S100PBP: variants seen among roughly 807,000 people sequenced by gnomAD.
The protein encoded by S100PBP is S100P binding protein, also known as S100P-binding protein.
A neutral mutation model predicts 39.9 loss-of-function variants in S100PBP; 15 were observed. That is an observed-to-expected ratio of 0.38 (90% CI 0.25 to 0.58). The LOEUF (loss-of-function observed/expected upper bound fraction) is 0.58. Ranked by LOEUF, S100PBP falls within the 20% of genes least tolerant of loss-of-function variation. The pLI is 0.70. For missense variants in S100PBP, 504 were observed against 487.3 expected (o/e 1.03, Z -0.32); for synonymous variants, 178 against 180.3 (o/e 0.99, Z 0.10).
chr1:32,830,999 G>C (rs2148654274), intron 5 of S100PBP, among the ~76,000 whole-genome samples: 1 of 151,390 alleles, frequency 6.6e-6, no homozygotes, highest in Middle Eastern at 3.4e-3. Context: ...ACAATCACTT[G>C]AACCCGGGAG....
chr1:32,826,471 T>G lies in S100PBP; in HGVS notation c.372T>G (p.Gly124=), dbSNP rs1639331069. The G allele has an allele frequency of 2.5e-6, 4 of 1,614,024 alleles. No individual in the cohort carries two copies. The East Asian group carries it at 8.9e-5, about 36-fold the overall frequency. ...FKLPQLSTSS[G]HGPAHTKPLN... ...TACCTCAGCTAAGTACATCAAGTGG[T>G]CATGGACCAGCTCATACTAAACCAT... Residue 124 remains glycine (G), a synonymous_variant, in exon 3 of 7, where the codon GGT becomes GGG. Coordinates refer to ENST00000373475, the MANE Select transcript of S100PBP (RefSeq NM_022753.4).
chr1:32,826,440 T>G lies in S100PBP; in HGVS notation c.341T>G (p.Phe114Cys), dbSNP rs1224451938. Residue 114 changes from phenylalanine to cysteine, a missense_variant, in exon 3 of 7, where the codon TTC becomes TGC. Transcript: ENST00000373475. ...LGPVAETPDL[F>C]KLPQLSTSSG... ...CCAGTAGCTGAGACTCCTGACCTCTTCAAACTACCTCAGCTAAGTACATCA... is the reference window on the plus strand; with the variant it reads ...CCAGTAGCTGAGACTCCTGACCTCTGCAAACTACCTCAGCTAAGTACATCA... 46 of 1,613,942 alleles carry G rather than the reference T, an allele frequency of 2.9e-5. No individual in the cohort carries two copies. The highest frequency in any genetic ancestry group is 3.9e-5 in the Non-Finnish European group (46 of 1,180,008).
intron 1 of S100PBP, chr1:32,824,827 C>CATAT (rs56900503): frequency 2.2e-4 from 29 of 129,610 alleles, no homozygotes; most frequent in Non-Finnish European, 3.0e-4. Context: ...TTTTTCTATA[C>CATAT]ATATATATAT....
intron 1 of S100PBP, among the ~76,000 whole-genome samples, chr1:32,822,203 C>G (rs1021094891): frequency 1.3e-5 from 2 of 152,100 alleles, no homozygotes; most frequent in African/African-American, 4.8e-5. Context: ...GTGGATGGGG[C>G]AAGATTAGCT....
chr1:32,828,120 G>A lies in S100PBP; in HGVS notation c.920+39G>A, dbSNP rs1639422633. 2.8e-6 allele frequency: 4 copies of A among 1,414,724 alleles called. No homozygotes were observed. In the East Asian group the frequency reaches 7.0e-5, roughly 25 times the overall value. 87.6% of individuals were successfully genotyped at this position (1,414,724 alleles called of 1,614,324 possible). On this transcript the variant is annotated intron_variant, in intron 4 of 6. Coordinates refer to ENST00000373475, the MANE Select transcript of S100PBP (RefSeq NM_022753.4). ...TAATTAAATATTCTGATTTATTTTG[G>A]TTCTCTTCAATTTCTTTCTTCCCCT...
intron 6 of S100PBP, 35 bp from the exon 7 acceptor site, chr1:32,855,889 T>C (rs752016409): frequency 1.2e-5 from 18 of 1,461,356 alleles, no homozygotes; most frequent in African/African-American, 2.8e-5. Context: ...CTAGTTGAAA[T>C]AGCCTTCCTG....
At chr1:32,833,095 T>A (rs1382828159) in intron 5 of S100PBP, among the ~76,000 whole-genome samples, 1 of 152,118 alleles carries the variant, frequency 6.6e-6, no homozygotes, top group African/African-American at 2.4e-5. Context: ...TAGAAAAGGA[T>A]CATTAAGAGC....
At chr1:32,839,588 C>T (rs1247822476) in intron 5 of S100PBP, among the ~76,000 whole-genome samples, 1 of 151,484 alleles carries the variant, frequency 6.6e-6, no homozygotes. Flanking sequence ...AGTGCAGTGG[C>T]ACAACCGTAG....
At chr1:32,816,831 AT>A, upstream of S100PBP, 1 of 424,996 alleles carries the variant, frequency 2.4e-6, no homozygotes, top group Non-Finnish European at 4.4e-6. Context: ...GTAATGGGTC[AT>A]TTTTAACGTC....
At chr1:32,852,790 A>G (rs538415467) in intron 5 of S100PBP, 3 of 290,072 alleles carry the variant, frequency 1.0e-5, no homozygotes, top group South Asian at 7.9e-5. Flanking sequence ...TCATTGAGGT[A>G]GTGTCTTGTT....
At position 32,826,712 on chromosome 1, in the gene S100PBP, T is replaced by C; in HGVS notation, c.613T>C (p.Ser205Pro). The change falls in exon 3 of 7, where the codon TCT (serine) becomes CCT (proline). Residue 205 changes from serine (S) to proline (P), a missense_variant. Transcript: ENST00000373475. ...TESEGISPNN[S>P]AWNGPQLSSS... ...ATCTGAAGGGATCAGCCCCAATAAC[T>C]CTGCCTGGAATGGGCCCCAGCTCTC... 6.2e-7 allele frequency: 1 copy of C among 1,614,130 alleles called. No homozygotes were observed. The highest frequency in any genetic ancestry group is 1.3e-5 in the African/African-American group (1 of 75,038).
At chr1:32,837,335 G>T (rs991879227) in intron 5 of S100PBP, among the ~76,000 whole-genome samples, 28 of 148,594 alleles carry the variant, frequency 1.9e-4, no homozygotes, top group African/African-American at 6.4e-4. Flanking sequence ...GCCCAGGCTG[G>T]AGTGCAGTGG....
At chr1:32,822,540 C>T (rs1206214927) in intron 1 of S100PBP, among the ~76,000 whole-genome samples, 5 of 150,688 alleles carry the variant, frequency 3.3e-5, no homozygotes, top group Non-Finnish European at 5.9e-5. Context: ...TGGTGTGAAC[C>T]CGGGAGGCAG....
At chr1:32,844,863 C>T (rs1640290671) in intron 5 of S100PBP, among the ~76,000 whole-genome samples, 1 of 151,436 alleles carries the variant, frequency 6.6e-6, no homozygotes, top group African/African-American at 2.4e-5. Context: ...GACTCTCGCT[C>T]TGTTGCCCAG....
At chr1:32,844,864 T>C (rs1640290938) in intron 5 of S100PBP, among the ~76,000 whole-genome samples, 1 of 151,780 alleles carries the variant, frequency 6.6e-6, no homozygotes, top group South Asian at 2.1e-4. Context: ...ACTCTCGCTC[T>C]GTTGCCCAGG....
chr1:32,832,455 G>A (rs911662311), intron 5 of S100PBP, among the ~76,000 whole-genome samples: 2 of 152,012 alleles, frequency 1.3e-5, no homozygotes, highest in African/African-American at 2.4e-5. Flanking sequence ...TTTTAAGCAC[G>A]TCTTTTAGGG....
At chr1:32,835,900 G>A (rs1292511746) in intron 5 of S100PBP, 1 of 151,760 alleles carries the variant, frequency 6.6e-6, no homozygotes, top group Non-Finnish European at 1.5e-5. Flanking sequence ...CTTGGCTATT[G>A]TGAATTGTGC....
chr1:32,848,229 A>T (rs1214376008), intron 5 of S100PBP, among the ~76,000 whole-genome samples: 1 of 151,922 alleles, frequency 6.6e-6, no homozygotes, highest in Non-Finnish European at 1.5e-5. Flanking sequence ...ATTGCTTGAA[A>T]CCGGAAGGCA....
At chr1:32,850,546 A>G (rs1342890729) in intron 5 of S100PBP, among the ~76,000 whole-genome samples, 3 of 152,224 alleles carry the variant, frequency 2.0e-5, no homozygotes, top group South Asian at 2.1e-4. Flanking sequence ...GAGTGACAGT[A>G]ATGCCTTTTC....
Sources: gnomAD v4.1 joint callset for allele counts (sites outside exome capture counted in the v4.1 genomes callset) on GRCh38, gnomAD v4.1.1 for gene constraint, MANE v1.5 for transcripts, NCBI Gene and HGNC (gene_info 2026-07-23, HGNC 2026-07-21) for gene names.